The following C1S variants were observed in gnomAD, a reference collection of about 807,000 sequenced individuals.
C1S encodes the protein complement C1s subcomponent.
In C1S, 31 loss-of-function variants were observed where a neutral mutation model predicts 54.0. The observed-to-expected ratio is 0.57, with a 90% CI of 0.43 to 0.78. C1S has a LOEUF of 0.78. C1S is among the 30% of genes least tolerant of loss of function. C1S has a pLI of 0.00. For synonymous variants in C1S, 292 were observed against 303.6 expected (o/e 0.96, Z 0.40); for missense variants, 727 against 851.8 (o/e 0.85, Z 1.82).
rs1555162967 is a variant in C1S, at chr12:7,070,106, G to A, written c.1522G>A (p.Val508Met). The change falls in exon 12 of 12, where the codon GTG becomes ATG. Residue 508 changes from valine (V) to methionine (M), a missense_variant. Coordinates refer to ENST00000360817, the MANE Select transcript of C1S (RefSeq NM_001734.5). This position sits in a 1 kb window ranked among gnomAD's most constrained non-coding sequence, Gnocchi z 4.9. ...AKSKMLTPEH[V>M]FIHPGWKLLE... ...ATCCAAGATGCTCACTCCTGAGCAT[G>A]TGTTTATTCATCCGGGATGGAAGCT... is the stretch of plus-strand genomic sequence containing the variant. 6.2e-7 allele frequency: 1 copy of A among 1,614,190 alleles called. No individual in the cohort carries two copies. The highest frequency in any genetic ancestry group is 1.1e-5 in the South Asian group (1 of 91,074).
At chr12:7,063,122 G>T (rs1947122151) in intron 4 of C1S, 55 bp downstream of exon 4, 1 of 1,505,616 alleles carries the variant, frequency 6.6e-7, no homozygotes, top group Non-Finnish European at 9.2e-7. Context: ...GATTAGAAAT[G>T]AGAAATCCAC....
chr12:7,065,798 A>G lies in C1S; in HGVS notation c.718-19A>G. The G allele has an allele frequency of 6.2e-7, 1 of 1,611,278 alleles. No homozygotes were observed. Among genetic ancestry groups the G allele is most frequent in the Non-Finnish European group, 8.5e-7 (1 of 1,178,292 alleles). ...TCCCTTTAGTTCTTTCCCTCTTCTG[A>G]TTTCATCATTTTGTTCAGTTTGTTG... On this transcript the variant is annotated intron_variant, in intron 6 of 11. Coordinates refer to ENST00000360817, the MANE Select transcript of C1S (RefSeq NM_001734.5).
At chr12:7,067,320 C>A in intron 9 of C1S, 1 of 643,500 alleles carries the variant, frequency 1.6e-6, no homozygotes, top group South Asian at 1.8e-5. Flanking sequence ...TGTTTCTTTC[C>A]AAGAAAGGGG....
At chr12:7,062,286 A>AT in intron 2 of C1S, 189 bp from the exon 3 acceptor site, 1 of 563,164 alleles carries the variant, frequency 1.8e-6, no homozygotes, top group Non-Finnish European at 3.2e-6. Flanking sequence ...AAAAAAAAAA[A>AT]GGGCTCTTGT....
chr12:7,062,788 A>G, intron 3 of C1S, 102 bp from the exon 4 acceptor site: 1 of 1,500,190 alleles, frequency 6.7e-7, no homozygotes, highest in Non-Finnish European at 9.2e-7. Flanking sequence ...ACTGGAGTCA[A>G]GTCCTAGTGG....
At chr12:7,065,789 C>T in intron 6 of C1S, 28 bp from the exon 7 acceptor site, 1 of 1,609,476 alleles carries the variant, frequency 6.2e-7, no homozygotes, top group Non-Finnish European at 8.5e-7. Flanking sequence ...TAGTTCTTTC[C>T]CTCTTCTGAT....
At position 7,070,178 on chromosome 12, in the gene C1S, C is replaced by G; in HGVS notation, c.1594C>G (p.Leu532Val). ...AACCAATTTTGATAATGACATTGCACTGGTGCGGCTGAAAGACCCAGTGAA... is the reference window on the plus strand; with the variant it reads ...AACCAATTTTGATAATGACATTGCAGTGGTGCGGCTGAAAGACCCAGTGAA... ...GRTNFDNDIA[L>V]VRLKDPVKMG... The change falls in exon 12 of 12, where the codon CTG becomes GTG. Residue 532 changes from leucine to valine, a missense_variant. Around this residue, in one of 3 missense-constraint regions of C1S, gnomAD observed 360 missense variants for 453.6 expected, o/e 0.79. Transcript: ENST00000360817. The surrounding 1 kb of genome is among the most constrained non-coding windows in gnomAD (Gnocchi z 4.9). 1 of 1,614,210 alleles carries G rather than the reference C, an allele frequency of 6.2e-7. No homozygotes were observed. Among genetic ancestry groups the G allele is most frequent in the Non-Finnish European group, 8.5e-7 (1 of 1,180,030 alleles).
In C1S at chr12:7,066,606, C is replaced by T. The variant is rs374078970; in HGVS notation, c.960C>T (p.Thr320=). ...KYVFRDVVQI[T]CLDGFEVVEG... ...TCTTTAGAGATGTGGTGCAGATAAC[C>T]TGTCTGGATGGGTTTGAAGTTGTGG... The change falls in exon 8 of 12, where the codon ACC becomes ACT. Residue 320 remains threonine (T), a synonymous_variant. Transcript: ENST00000360817. 5 of 1,612,800 alleles carry T rather than the reference C, an allele frequency of 3.1e-6. No individual in the cohort carries two copies. The highest frequency in any genetic ancestry group is 4.2e-6 in the Non-Finnish European group (5 of 1,178,864).
In C1S at chr12:7,062,877, A is replaced by G; in HGVS notation, c.214-13A>G. ...CCCTTTCCTAGATTTTTTTTTTGTG[A>G]CTCTTCTCTTAGATAATCTCAGGAG... On this transcript the variant is annotated splice_polypyrimidine_tract_variant and intron_variant, in intron 3 of 11. Coordinates refer to ENST00000360817, the MANE Select transcript of C1S (RefSeq NM_001734.5). 4 of 1,610,858 alleles carry G rather than the reference A, an allele frequency of 2.5e-6. No individual in the cohort carries two copies. Among genetic ancestry groups the G allele is most frequent in the Non-Finnish European group, 3.4e-6 (4 of 1,179,072 alleles).
chr12:7,065,476 C>T (rs1947161236), intron 6 of C1S, 177 bp downstream of exon 6: 2 of 698,916 alleles, frequency 2.9e-6, no homozygotes, highest in South Asian at 3.0e-5. Flanking sequence ...CCACCTCAGC[C>T]TCCTGAGTAG....
chr12:7,070,560 G>A lies in C1S; in HGVS notation c.1976G>A (p.Cys659Tyr). 2 of 1,613,972 alleles carry A rather than the reference G, an allele frequency of 1.2e-6. No individual in the cohort carries two copies. Among genetic ancestry groups the A allele is most frequent in the Non-Finnish European group, 1.7e-6 (2 of 1,179,976 alleles). Residue 659 changes from cysteine to tyrosine, a missense_variant, in exon 12 of 12, where the codon TGT becomes TAT. Physicochemically the swap from Cys to Tyr is radical, Grantham distance 194 (BLOSUM62 -2). Coordinates refer to ENST00000360817, the MANE Select transcript of C1S (RefSeq NM_001734.5). This position sits in a 1 kb window ranked among gnomAD's most constrained non-coding sequence, Gnocchi z 4.9. ...GGCCTGGTGTCCTGGGGGCCCCAGT[G>A]TGGGACCTATGGGCTCTACACACGG... The part of the protein sequence containing the change: ...AAGLVSWGPQ[C>Y]GTYGLYTRVK...
At chr12:7,065,540 T>C in intron 6 of C1S, 1 of 309,146 alleles carries the variant, frequency 3.2e-6, no homozygotes, top group Non-Finnish European at 5.7e-6. Context: ...ATTGTTATTC[T>C]TTTTTTTTTT....
In C1S at chr12:7,070,742, A is replaced by G; in HGVS notation, c.*91A>G. On this transcript the variant is annotated 3_prime_UTR_variant, in exon 12 of 12. Transcript: ENST00000360817. This position sits in a 1 kb window ranked among gnomAD's most constrained non-coding sequence, Gnocchi z 4.9. Reference sequence around the variant, plus strand: ...TATTCTCATTATTTCATCATGACTGAAAGAAGACACGAGCGAATGATTTAA... The same window carrying G: ...TATTCTCATTATTTCATCATGACTGGAAGAAGACACGAGCGAATGATTTAA... 1.9e-6 allele frequency: 2 copies of G among 1,077,540 alleles called. No homozygotes were observed. The highest frequency in any genetic ancestry group is 2.9e-6 in the Non-Finnish European group (2 of 698,756). The allele number at this position is 1,077,540 out of a possible 1,614,324, so 66.7% of individuals were successfully genotyped here.
In C1S at chr12:7,064,900, A is replaced by G. The variant is rs199717913; in HGVS notation, c.518-200A>G. On this transcript the variant is annotated intron_variant, in intron 5 of 11. Transcript: ENST00000360817. ...GAAAGGCTCCATCCTAAGCAAAGTG[A>G]TGGAAACCTAATAGGGATTGGGTAT... Among the ~76,000 whole-genome samples the G allele has an allele frequency of 1.2e-4, 18 of 152,330 alleles. No homozygotes were observed. In the East Asian group the frequency reaches 2.3e-3, roughly 20 times the overall value.
chr12:7,065,033 A>T (rs1947152473), intron 5 of C1S, 67 bp from the exon 6 acceptor site: 1 of 1,313,076 alleles, frequency 7.6e-7, no homozygotes. Context: ...AAGGAATCAT[A>T]GAATAGTGCA....
chr12:7,067,792 A>AAG (rs150772912), intron 10 of C1S, 21 bp downstream of exon 10: 78 of 1,602,812 alleles, frequency 4.9e-5, no homozygotes, highest in Middle Eastern at 1.7e-4. Flanking sequence ...TCTACTGGAG[A>AAG]AGAGAGAGAG....
In C1S at chr12:7,066,542, C is replaced by T; in HGVS notation, c.896C>T (p.Thr299Ile). The T allele has an allele frequency of 6.2e-7, 1 of 1,612,534 alleles. No homozygotes were observed. The highest frequency in any genetic ancestry group is 8.5e-7 in the Non-Finnish European group (1 of 1,178,504). Residue 299 changes from threonine to isoleucine, a missense_variant, in exon 8 of 12, where the codon ACT (threonine) becomes ATT (isoleucine). By Grantham distance (89) the Thr-to-Ile change is moderately conservative. This residue lies in a region of C1S where 357 missense variants were observed against 365.4 expected (regional missense o/e 0.98). Coordinates refer to ENST00000360817, the MANE Select transcript of C1S (RefSeq NM_001734.5). ...GDPMPCPKED[T>I]PNSVWEPAKA... The stretch of plus-strand genomic sequence containing the variant: ...GCAATGCCCTGCCCTAAGGAAGACA[C>T]TCCCAATTCTGTTTGGGAGCCTGCG...
chr12:7,066,099 C>A lies in C1S; in HGVS notation c.871+129C>A, dbSNP rs1158893248. ...TCTCAGCTACCGAGGGAGGCTGAGGCAGGAGGATCCCTTGAGCCCAGGAAG... is the reference window on the plus strand; with the variant it reads ...TCTCAGCTACCGAGGGAGGCTGAGGAAGGAGGATCCCTTGAGCCCAGGAAG... On this transcript the variant is annotated intron_variant, in intron 7 of 11. Coordinates refer to ENST00000360817, the MANE Select transcript of C1S (RefSeq NM_001734.5). The A allele has an allele frequency of 1.4e-5, 12 of 854,086 alleles. No homozygotes were observed. The Admixed American group carries it at 2.2e-4, about 16-fold the overall frequency. The allele number at this position is 854,086 out of a possible 1,614,324, so 52.9% of individuals were successfully genotyped here. A position where few individuals can be genotyped will look rare whatever the true frequency, so the allele number is the denominator to read the frequency against.
rs782206550 is a variant in C1S at position 7,071,026 on chromosome 12, A to G, written c.*375A>G. ...TCTATGTACAATAAAGGATGTTTAT[A>G]AGCAAATTTTGTGTGACTTACCTCA... On this transcript the variant is annotated 3_prime_UTR_variant, in exon 12 of 12. Coordinates refer to ENST00000360817, the MANE Select transcript of C1S (RefSeq NM_001734.5). 5.1e-6 allele frequency: 1 copy of G among 195,328 alleles called. No homozygotes were observed. Among genetic ancestry groups the G allele is most frequent in the Non-Finnish European group, 1.1e-5 (1 of 95,022 alleles). The allele number at this position is 195,328 out of a possible 1,614,324, so 12.1% of individuals were successfully genotyped here. A position where few individuals can be genotyped will look rare whatever the true frequency, so the allele number is the denominator to read the frequency against.
Sources: gnomAD v4.1 joint callset for allele counts (sites outside exome capture counted in the v4.1 genomes callset) on GRCh38, gnomAD v4.1.1 for gene constraint, gnomAD v4.1.1 regional missense constraint, Gnocchi (gnomAD v3.1) non-coding constraint, MANE v1.5 for transcripts, NCBI Gene and HGNC (gene_info 2026-07-23, HGNC 2026-07-21) for gene names.